Variants in MAT1A observed in about 807,000 individuals in gnomAD.
The protein encoded by MAT1A is methionine adenosyltransferase 1A.
A neutral mutation model predicts 44.0 loss-of-function variants in MAT1A; 19 were observed. The ratio of observed to expected loss-of-function variants is 0.43; its 90% CI spans 0.30 to 0.63. The LOEUF (loss-of-function observed/expected upper bound fraction) is 0.63. MAT1A is among the 30% of genes least tolerant of loss of function. MAT1A has a pLI of 0.12. For synonymous variants in MAT1A, 205 were observed against 205.6 expected (o/e 1.00, Z 0.03); for missense variants, 397 against 531.0 (o/e 0.75, Z 2.48).
chr10:80,274,683 A>G (rs752429099), intron 7 of MAT1A, 30 bp from the exon 8 acceptor site: 1 of 1,613,804 alleles, frequency 6.2e-7, no homozygotes, highest in Non-Finnish European at 8.5e-7. Flanking sequence ...TCAGGGATTG[A>G]AGCCTCTGTG....
chr10:80,277,563 C>T (rs183879773), intron 5 of MAT1A, among the ~76,000 whole-genome samples: 74 of 152,228 alleles, frequency 4.9e-4, no homozygotes, highest in Admixed American at 9.8e-4. Flanking sequence ...TGCACACACA[C>T]GGCCCTGGGA....
In MAT1A at chr10:80,274,602, A is replaced by G. The variant is rs757912932; in HGVS notation, c.1003T>C (p.Tyr335His). The G allele has an allele frequency of 1.1e-5, 17 of 1,614,220 alleles. No individual in the cohort carries two copies. The East Asian group carries it at 3.8e-4, about 36-fold the overall frequency. ...AEPLSISIFT[Y>H]GTSQKTEREL... is the part of the protein sequence containing the mutation. ...CGCTCTGTCTTCTGAGAGGTTCCGT[A>G]GGTGAAGATGGAAATGGACAGCGGC... Residue 335 changes from tyrosine to histidine, a missense_variant, in exon 8 of 9, where the codon TAC becomes CAC. Coordinates refer to ENST00000372213, the MANE Select transcript of MAT1A (RefSeq NM_000429.3).
At chr10:80,280,109 C>G (rs1841543399) in intron 5 of MAT1A, 64 bp downstream of exon 5, 1 of 1,562,554 alleles carries the variant, frequency 6.4e-7, no homozygotes, top group Non-Finnish European at 8.8e-7. Context: ...AATCAAGAAT[C>G]AAGAGGATTT....
At chr10:80,278,981 G>T (rs1269931913) in intron 5 of MAT1A, among the ~76,000 whole-genome samples, 2 of 152,238 alleles carry the variant, frequency 1.3e-5, no homozygotes, top group African/African-American at 4.8e-5. Flanking sequence ...GACAATGAGT[G>T]AAATGATGTC....
At chr10:80,283,872 A>C (rs1353026958) in intron 3 of MAT1A, 44 bp downstream of exon 3, 1 of 1,612,672 alleles carries the variant, frequency 6.2e-7, no homozygotes, top group African/African-American at 1.3e-5. Flanking sequence ...GGTCTCTATC[A>C]GCAGAGAGCA....
At chr10:80,274,381 G>T in intron 8 of MAT1A, 139 bp downstream of exon 8, 2 of 1,238,252 alleles carry the variant, frequency 1.6e-6, no homozygotes, top group Non-Finnish European at 2.3e-6. Flanking sequence ...GGGATGCACT[G>T]TGCTGTACCA....
intron 1 of MAT1A, among the ~76,000 whole-genome samples, chr10:80,285,979 C>G (rs967985485): frequency 2.0e-5 from 3 of 152,038 alleles, no homozygotes; most frequent in Admixed American, 1.3e-4. Context: ...GCTTGTGCTA[C>G]CACGCCTGGC....
In MAT1A at chr10:80,273,499, T is replaced by C; in HGVS notation, c.*282A>G. Reference sequence around the variant, plus strand: ...GGGGGAGACGAGTGAGGGAATTCACTCTTGACGGGGGTGCCTTTTCCACTA... The same window carrying C: ...GGGGGAGACGAGTGAGGGAATTCACCCTTGACGGGGGTGCCTTTTCCACTA... On this transcript the variant is annotated 3_prime_UTR_variant, in exon 9 of 9. Transcript: ENST00000372213. 2.3e-6 allele frequency: 1 copy of C among 428,972 alleles called. No individual in the cohort carries two copies. Among genetic ancestry groups the C allele is most frequent in the Non-Finnish European group, 4.4e-6 (1 of 229,036 alleles). 26.6% of individuals were successfully genotyped at this position (428,972 alleles called of 1,614,324 possible). A position where few individuals can be genotyped will look rare whatever the true frequency, so the allele number is the denominator to read the frequency against.
Position 80,289,528 on chromosome 10 carries a change from G to A in MAT1A, c.-105C>T. Reference sequence around the variant, plus strand: ...TCTTCTTCTTCTTTCAACCCAACAGGCTTGTCTTTGGCAGAGCCACGGGGA... The same window carrying A: ...TCTTCTTCTTCTTTCAACCCAACAGACTTGTCTTTGGCAGAGCCACGGGGA... On this transcript the variant is annotated 5_prime_UTR_variant, in exon 1 of 9. Coordinates refer to ENST00000372213, the MANE Select transcript of MAT1A (RefSeq NM_000429.3). 1.2e-6 allele frequency: 1 copy of A among 839,208 alleles called. No homozygotes were observed. Among genetic ancestry groups the A allele is most frequent in the South Asian group, 1.4e-5 (1 of 70,942 alleles). 52.0% of individuals were successfully genotyped at this position (839,208 alleles called of 1,614,324 possible). A position where few individuals can be genotyped will look rare whatever the true frequency, so the allele number is the denominator to read the frequency against.
Position 80,273,389 on chromosome 10 carries a change from G to A in MAT1A, c.*392C>T, listed in dbSNP as rs1460416796. 1 of 279,064 alleles carries A rather than the reference G, an allele frequency of 3.6e-6. No homozygotes were observed. Among genetic ancestry groups the A allele is most frequent in the Admixed American group, 4.8e-5 (1 of 20,970 alleles). 17.3% of individuals were successfully genotyped at this position (279,064 alleles called of 1,614,324 possible). A position where few individuals can be genotyped will look rare whatever the true frequency, so the allele number is the denominator to read the frequency against. ...GGGGTCCAGGAGCCCAGGCCCACAA[G>A]GAGCCCTGAGGCCTGTTGAGATGTG... On this transcript the variant is annotated 3_prime_UTR_variant, in exon 9 of 9. Transcript: ENST00000372213.
At chr10:80,285,338 G>GT (rs1841634733) in intron 2 of MAT1A, among the ~76,000 whole-genome samples, 174 bp downstream of exon 2, 2 of 152,168 alleles carry the variant, frequency 1.3e-5, no homozygotes, top group Non-Finnish European at 2.9e-5. Context: ...GGTTAGAAAT[G>GT]TTTTTCCTCC....
rs933262807 is a variant in MAT1A at position 80,271,883 on chromosome 10, T to C, written c.*1898A>G. On this transcript the variant is annotated 3_prime_UTR_variant, in exon 9 of 9. Transcript: ENST00000372213. ...AACTATTAACAAATAAAGGCTTTAG[T>C]TTCATACAAACAAACTGACAAAAAA... 5 of 152,176 alleles carry C rather than the reference T, an allele frequency of 3.3e-5. No individual in the cohort carries two copies. The highest frequency in any genetic ancestry group is 4.1e-4 in the South Asian group (2 of 4,826). 9.4% of individuals were successfully genotyped at this position (152,176 alleles called of 1,614,324 possible). A position where few individuals can be genotyped will look rare whatever the true frequency, so the allele number is the denominator to read the frequency against.
At position 80,280,673 on chromosome 10, in the gene MAT1A, G is replaced by A. The variant is rs199791531; in HGVS notation, c.405+7C>T. Reference sequence around the variant, plus strand: ...ACACACAGCTCCCACATGCAGTGCCGAGCTACCTGATCTCCTGCCCCCACA... The same window carrying A: ...ACACACAGCTCCCACATGCAGTGCCAAGCTACCTGATCTCCTGCCCCCACA... On this transcript the variant is annotated splice_region_variant and intron_variant, in intron 4 of 8. Transcript: ENST00000372213. The A allele has an allele frequency of 6.9e-5, 111 of 1,610,924 alleles. No individual in the cohort carries two copies. The highest frequency in any genetic ancestry group is 1.7e-4 in the Admixed American group (10 of 60,002).
In MAT1A at chr10:80,280,731, G is replaced by A; in HGVS notation, c.354C>T (p.Ala118=). 6.2e-7 allele frequency: 1 copy of A among 1,614,130 alleles called. No homozygotes were observed. Among genetic ancestry groups the A allele is most frequent in the Non-Finnish European group, 8.5e-7 (1 of 1,180,030 alleles). Residue 118 remains alanine (A), a synonymous_variant, in exon 4 of 9, where the codon GCC becomes GCT. Coordinates refer to ENST00000372213, the MANE Select transcript of MAT1A (RefSeq NM_000429.3). The part of the protein sequence containing the change: ...VALEQQSPDI[A]QCVHLDRNEE... The stretch of plus-strand genomic sequence containing the variant: ...CATTTCTGTCCAGATGGACGCACTG[G>A]GCAATATCTGGGGATTGCTGCTCCA...
Position 80,273,406 on chromosome 10 carries a change from T to C in MAT1A, c.*375A>G, listed in dbSNP as rs1212658467. On this transcript the variant is annotated 3_prime_UTR_variant, in exon 9 of 9. Transcript: ENST00000372213. Reference sequence around the variant, plus strand: ...GCCCACAAGGAGCCCTGAGGCCTGTTGAGATGTGCTGACCTCACCTGGCAC... The same window carrying C: ...GCCCACAAGGAGCCCTGAGGCCTGTCGAGATGTGCTGACCTCACCTGGCAC... The C allele has an allele frequency of 3.2e-6, 1 of 316,486 alleles. No individual in the cohort carries two copies. Among genetic ancestry groups the C allele is most frequent in the Non-Finnish European group, 6.2e-6 (1 of 161,360 alleles). The allele number at this position is 316,486 out of a possible 1,614,324, so 19.6% of individuals were successfully genotyped here. A position where few individuals can be genotyped will look rare whatever the true frequency, so the allele number is the denominator to read the frequency against.
chr10:80,278,296 C>T (rs1309362679), intron 5 of MAT1A, among the ~76,000 whole-genome samples: 1 of 151,754 alleles, frequency 6.6e-6, no homozygotes, highest in African/African-American at 2.4e-5. Context: ...ACCTAGAAAC[C>T]TTCTATTTCA....
rs190661795 is a variant in MAT1A, at chr10:80,275,718, T to C, written c.769-519A>G. On this transcript the variant is annotated intron_variant, in intron 6 of 8. Transcript: ENST00000372213. Reference sequence around the variant, plus strand: ...GATCCACAGTTCATACTAGTATGTCTAGGCTTTGAGAAGTCCTGCAAGAAA... The same window carrying C: ...GATCCACAGTTCATACTAGTATGTCCAGGCTTTGAGAAGTCCTGCAAGAAA... Among the ~76,000 whole-genome samples, 6 of 152,378 alleles carry C rather than the reference T, an allele frequency of 3.9e-5. No homozygotes were observed. The East Asian group carries it at 1.2e-3, about 29-fold the overall frequency.
chr10:80,277,738 G>A (rs545816276), intron 5 of MAT1A, among the ~76,000 whole-genome samples: 14 of 152,264 alleles, frequency 9.2e-5, no homozygotes, highest in Non-Finnish European at 7.4e-5. Flanking sequence ...ACCCCCACCC[G>A]GCAGACTCCA....
rs1471465250 is a variant in MAT1A at position 80,273,128 on chromosome 10, C to T, written c.*653G>A. ...GGTCTAAACACGTGGCTGTGGGACC[C>T]TGTGGAAGTTATCCAGACTCTCTGT... On this transcript the variant is annotated 3_prime_UTR_variant, in exon 9 of 9. Coordinates refer to ENST00000372213, the MANE Select transcript of MAT1A (RefSeq NM_000429.3). 2.0e-5 allele frequency: 3 copies of T among 153,712 alleles called. No individual in the cohort carries two copies. The highest frequency in any genetic ancestry group is 4.3e-5 in the Non-Finnish European group (3 of 69,132). The allele number at this position is 153,712 out of a possible 1,614,324, so 9.5% of individuals were successfully genotyped here.
Sources: allele counts gnomAD v4.1 joint callset (sites outside exome capture counted in the v4.1 genomes callset), GRCh38; gene constraint gnomAD v4.1.1; transcripts MANE v1.5; gene names NCBI Gene and HGNC (gene_info 2026-07-23, HGNC 2026-07-21).